KIAA1549L: variants seen among roughly 807,000 people sequenced by gnomAD.
KIAA1549L encodes the protein KIAA1549 like.
Under a neutral mutation model 160.7 loss-of-function variants are expected in KIAA1549L, and 88 were observed. The ratio of observed to expected loss-of-function variants is 0.55; its 90% confidence interval spans 0.46 to 0.65. The LOEUF is 0.65. Ranked by LOEUF, KIAA1549L falls within the 30% of genes least tolerant of loss-of-function variation. KIAA1549L has a pLI of 0.00. For missense variants in KIAA1549L, 2,258 were observed against 2,437.5 expected (o/e 0.93, Z 1.55); for synonymous variants, 950 against 976.7 (o/e 0.97, Z 0.51).
At chr11:33,651,900 CCCCT>C in intron 17 of KIAA1549L, among the ~76,000 whole-genome samples, 1 of 68,582 alleles carries the variant, frequency 1.5e-5, no homozygotes, top group Admixed American at 1.5e-4. Flanking sequence ...TCCCCCCCTT[CCCCT>C]CCCCTCCCCT....
intron 1 of KIAA1549L, among the ~76,000 whole-genome samples, chr11:33,530,722 G>A (rs376598303): frequency 2.6e-5 from 4 of 151,870 alleles, no homozygotes; most frequent in Non-Finnish European, 2.9e-5. Context: ...CATTGTGGCC[G>A]CCCTACCTGC....
chr11:33,498,509 A>G (rs751641369), intron 1 of KIAA1549L, among the ~76,000 whole-genome samples: 4 of 152,156 alleles, frequency 2.6e-5, no homozygotes, highest in African/African-American at 2.4e-5. Context: ...GGATAGCTAC[A>G]TGGTTCCACT....
chr11:33,416,953 G>T (rs1414279389), intron 1 of KIAA1549L, among the ~76,000 whole-genome samples: 1 of 152,052 alleles, frequency 6.6e-6, no homozygotes, highest in Non-Finnish European at 1.5e-5. Context: ...AATTTTATCA[G>T]GTGACATTAG....
intron 1 of KIAA1549L, among the ~76,000 whole-genome samples, chr11:33,496,002 G>A (rs541131639): frequency 7.9e-5 from 12 of 152,154 alleles, no homozygotes; most frequent in Non-Finnish European, 1.5e-4. Flanking sequence ...TTGCTCTGTC[G>A]CCCAGGCTGG....
intron 1 of KIAA1549L, among the ~76,000 whole-genome samples, chr11:33,434,626 C>A (rs1292832466): frequency 6.6e-6 from 1 of 152,188 alleles, no homozygotes; most frequent in Non-Finnish European, 1.5e-5. Context: ...CTGGGCCCCA[C>A]TCAAAACCAG....
intron 16 of KIAA1549L, among the ~76,000 whole-genome samples, chr11:33,632,844 C>T (rs937535704): frequency 1.3e-5 from 2 of 152,102 alleles, no homozygotes; most frequent in Admixed American, 6.5e-5. Context: ...AATTTTCCCA[C>T]CTCAGCCTCC....
chr11:33,381,847 A>T (rs1207984236), intron 1 of KIAA1549L, among the ~76,000 whole-genome samples: 1 of 152,180 alleles, frequency 6.6e-6, no homozygotes, highest in Non-Finnish European at 1.5e-5. Flanking sequence ...TGGTGGATTA[A>T]AAGGGTAGGA....
intron 6 of KIAA1549L, among the ~76,000 whole-genome samples, chr11:33,558,583 A>C (rs561023758): frequency 7.2e-5 from 11 of 152,170 alleles, no homozygotes; most frequent in Non-Finnish European, 1.0e-4. Context: ...ATTCACAAAA[A>C]AAGGCCTCAC....
rs931251969 is a variant in KIAA1549L, at chr11:33,544,042, C to T, written c.2479C>T (p.His827Tyr). The T allele has an allele frequency of 2.5e-6, 4 of 1,613,920 alleles. No homozygotes were observed. The highest frequency in any genetic ancestry group is 3.3e-5 in the Admixed American group (2 of 60,008). ...TGCATATTACTCACCCACAACTCGA[C>T]ATTCCGTGTCTCATCCTCAGCTACA... The part of the protein sequence containing the change: ...EVAYYSPTTR[H>Y]SVSHPQLQLP... The change falls in exon 2 of 21, where the codon CAT becomes TAT. Residue 827 changes from histidine to tyrosine, a missense_variant. By Grantham distance (83) the His-to-Tyr change is moderately conservative. This residue lies in a region of KIAA1549L where 287 missense variants were observed against 292.3 expected (regional missense o/e 0.98). Coordinates refer to ENST00000658780, the MANE Select transcript of KIAA1549L (RefSeq NM_012194.3).
intron 1 of KIAA1549L, among the ~76,000 whole-genome samples, chr11:33,498,949 T>A (rs1200791063): frequency 6.6e-6 from 1 of 152,216 alleles, no homozygotes; most frequent in East Asian, 1.9e-4. Context: ...TCCACCCTGA[T>A]GACTCTCAAA....
intron 1 of KIAA1549L, among the ~76,000 whole-genome samples, chr11:33,492,316 G>A (rs929332599): frequency 3.3e-5 from 5 of 152,144 alleles, no homozygotes; most frequent in Non-Finnish European, 4.4e-5. Flanking sequence ...GCAGTTAGCT[G>A]AGATCGTGCC....
chr11:33,541,735 A>G, intron 1 of KIAA1549L, 67 bp from the exon 2 acceptor site: 1 of 209,410 alleles, frequency 4.8e-6, no homozygotes, highest in Non-Finnish European at 1.0e-5. Flanking sequence ...CTTTGTCTCC[A>G]GCACCTGACC....
At chr11:33,433,873 G>A (rs1419341469) in intron 1 of KIAA1549L, among the ~76,000 whole-genome samples, 1 of 152,120 alleles carries the variant, frequency 6.6e-6, no homozygotes, top group Non-Finnish European at 1.5e-5. Context: ...TCACTCATAA[G>A]TGGGAGTTGA....
intron 1 of KIAA1549L, among the ~76,000 whole-genome samples, chr11:33,467,883 A>T (rs1464852249): frequency 6.6e-6 from 1 of 152,052 alleles, no homozygotes; most frequent in Non-Finnish European, 1.5e-5. Context: ...CAGTTAAAAA[A>T]GAAAGAGAAA....
intron 1 of KIAA1549L, among the ~76,000 whole-genome samples, chr11:33,445,727 G>C (rs905628767): frequency 3.3e-5 from 5 of 152,198 alleles, no homozygotes; most frequent in Non-Finnish European, 7.3e-5. Context: ...TTGTCAGCGT[G>C]GGGACAGTAG....
At chr11:33,408,182 T>C (rs1017776831) in intron 1 of KIAA1549L, among the ~76,000 whole-genome samples, 1 of 152,202 alleles carries the variant, frequency 6.6e-6, no homozygotes, top group African/African-American at 2.4e-5. Context: ...AAAATGTCTT[T>C]TGTAGTACCT....
intron 1 of KIAA1549L, among the ~76,000 whole-genome samples, chr11:33,490,676 C>A (rs1242558979): frequency 6.6e-6 from 1 of 152,180 alleles, no homozygotes; most frequent in Non-Finnish European, 1.5e-5. Context: ...AAAATGCCTC[C>A]CTTCCCCACA....
At chr11:33,383,294 A>G (rs1243188415) in intron 1 of KIAA1549L, among the ~76,000 whole-genome samples, 2 of 151,718 alleles carry the variant, frequency 1.3e-5, no homozygotes, top group Non-Finnish European at 2.9e-5. Flanking sequence ...TTTAAAGACA[A>G]ACAAAAACTC....
chr11:33,522,767 C>T (rs558751053), intron 1 of KIAA1549L, among the ~76,000 whole-genome samples: 2 of 152,068 alleles, frequency 1.3e-5, no homozygotes, highest in African/African-American at 4.8e-5. Flanking sequence ...GGCCTGGTGG[C>T]GTATGTCTGT....
Sources: allele counts gnomAD v4.1 joint callset (sites outside exome capture counted in the v4.1 genomes callset), GRCh38; gene constraint gnomAD v4.1.1; regional missense constraint gnomAD v4.1.1; transcripts MANE v1.5; gene names NCBI Gene and HGNC (gene_info 2026-07-23, HGNC 2026-07-21).